FKBP6: variants seen among roughly 807,000 people sequenced by gnomAD.
FKBP6 encodes the protein inactive peptidyl-prolyl cis-trans isomerase FKBP6.
FKBP6 carries 29 observed loss-of-function variants against 41.7 expected under a neutral mutation model. The ratio of observed to expected loss-of-function variants is 0.70; its 90% CI spans 0.52 to 0.95. The LOEUF is 0.95. Ranked by LOEUF, FKBP6 falls within the 40% of genes least tolerant of loss-of-function variation. The probability of loss-of-function intolerance (pLI) is 0.00; values close to 1 mark genes in which losing one functional copy is unlikely to be tolerated. For synonymous variants in FKBP6, 130 were observed against 165.1 expected (o/e 0.79, Z 1.63); for missense variants, 338 against 408.7 (o/e 0.83, Z 1.49).
rs781792349 is a variant in FKBP6, at chr7:73,329,528, T to G, written c.265+79T>G. On this transcript the variant is annotated intron_variant, in intron 3 of 8. Coordinates refer to ENST00000252037, the MANE Select transcript of FKBP6 (RefSeq NM_003602.5). ...GCACGATGCCTCAGGCTGGGAAGACTGCTCAGAGCGCAGGTTCTTTGAGTT... is the reference window on the plus strand; with the variant it reads ...GCACGATGCCTCAGGCTGGGAAGACGGCTCAGAGCGCAGGTTCTTTGAGTT... The G allele has an allele frequency of 6.7e-6, 6 of 901,714 alleles. No individual in the cohort carries two copies. In the East Asian group the frequency reaches 1.4e-4, roughly 22 times the overall value. The allele number at this position is 901,714 out of a possible 1,614,324, so 55.9% of individuals were successfully genotyped here.
intron 5 of FKBP6, 152 bp downstream of exon 5, chr7:73,331,928 A>G (rs996757015): frequency 1.8e-5 from 13 of 740,056 alleles, no homozygotes; most frequent in African/African-American, 8.7e-5. Context: ...CAGTGGCGCA[A>G]TCTCAGCTCA....
chr7:73,350,384 T>G (rs1206411516), intron 8 of FKBP6, among the ~76,000 whole-genome samples: 1 of 152,158 alleles, frequency 6.6e-6, no homozygotes, highest in African/African-American at 2.4e-5. Flanking sequence ...CCTCTGTGTG[T>G]ATAAACAACT....
At chr7:73,354,151 C>T (rs192059427) in intron 8 of FKBP6, among the ~76,000 whole-genome samples, 3 of 152,288 alleles carry the variant, frequency 2.0e-5, no homozygotes, top group South Asian at 2.1e-4. Context: ...CCCCCAAAAC[C>T]GGGAGGTACC....
Position 73,331,571 on chromosome 7 carries a change from C to T in FKBP6, c.469-86C>T, listed in dbSNP as rs1365999446. The T allele has an allele frequency of 1.1e-5, 15 of 1,424,910 alleles. No individual in the cohort carries two copies. The East Asian group carries it at 3.4e-4, about 33-fold the overall frequency. The allele number at this position is 1,424,910 out of a possible 1,614,324, so 88.3% of individuals were successfully genotyped here. On this transcript the variant is annotated intron_variant, in intron 4 of 8. Transcript: ENST00000252037. The stretch of plus-strand genomic sequence containing the variant: ...CTATGTTGCCCAGGCTGGTCTCGAA[C>T]TCCTGGGCTCACGTGTACTAACACT...
chr7:73,342,728 G>A lies in FKBP6; in HGVS notation c.894-79G>A, dbSNP rs1805225753. The A allele has an allele frequency of 3.1e-6, 3 of 953,776 alleles. No homozygotes were observed. The Admixed American group carries it at 5.1e-5, about 16-fold the overall frequency. 59.1% of individuals were successfully genotyped at this position (953,776 alleles called of 1,614,324 possible). ...ATAAATTTTCAGTGTTTCTGGATGT[G>A]AGTGGAGAATTCCAGCCACCAGATG... On this transcript the variant is annotated intron_variant, in intron 7 of 8. Transcript: ENST00000252037.
At chr7:73,357,655 T>A (rs1356694870) in intron 8 of FKBP6, among the ~76,000 whole-genome samples, 1 of 151,974 alleles carries the variant, frequency 6.6e-6, no homozygotes, top group Non-Finnish European at 1.5e-5. Flanking sequence ...TCCTCTTCCC[T>A]CTCTCAGGTG....
Position 73,357,982 on chromosome 7 carries a change from G to A in FKBP6, c.*3-199G>A, listed in dbSNP as rs2116008179. Among the ~76,000 whole-genome samples the A allele has an allele frequency of 2.1e-5, 3 of 141,662 alleles. No homozygotes were observed. The East Asian group carries it at 6.0e-4, about 28-fold the overall frequency. The allele number at this position is 141,662 out of a possible 152,430, so 92.9% of individuals were successfully genotyped here. On this transcript the variant is annotated intron_variant, in intron 8 of 8. Coordinates refer to ENST00000252037, the MANE Select transcript of FKBP6 (RefSeq NM_003602.5). ...CAGCTGGGTGACAGAGTAAGGCTCTGTCTCAAAAAAAAAAAAAAAAGTTTC... is the reference window on the plus strand; with the variant it reads ...CAGCTGGGTGACAGAGTAAGGCTCTATCTCAAAAAAAAAAAAAAAAGTTTC...
chr7:73,332,697 G>C (rs896803497), intron 5 of FKBP6, among the ~76,000 whole-genome samples: 1 of 152,138 alleles, frequency 6.6e-6, no homozygotes, highest in Non-Finnish European at 1.5e-5. Context: ...ATTTGCCTCT[G>C]TATATGTACT....
chr7:73,330,850 G>A (rs183266764), intron 4 of FKBP6, among the ~76,000 whole-genome samples: 1 of 152,160 alleles, frequency 6.6e-6, no homozygotes, highest in African/African-American at 2.4e-5. Flanking sequence ...CTTAAGTCTT[G>A]CCTCCTCTTT....
At chr7:73,339,024 C>T (rs2115882101) in intron 5 of FKBP6, 1 of 152,296 alleles carries the variant, frequency 6.6e-6, no homozygotes. Context: ...ATCTAAGAAA[C>T]CATTTTCTAA....
Position 73,338,543 on chromosome 7 carries a change from G to T in FKBP6, c.589-2095G>T, listed in dbSNP as rs190866931. Among the ~76,000 whole-genome samples, 89 of 152,334 alleles carry T rather than the reference G, an allele frequency of 5.8e-4. No homozygotes were observed. In the Middle Eastern group the frequency reaches 0.01, roughly 17 times the overall value. ...GTGTGGGAACTGTCAAAATTTTTGA[G>T]GAACTGCCAAACTGCTTCCTACAGC... On this transcript the variant is annotated intron_variant, in intron 5 of 8. Transcript: ENST00000252037.
intron 3 of FKBP6, chr7:73,329,888 T>C: frequency 1.8e-6 from 1 of 569,640 alleles, no homozygotes; most frequent in Non-Finnish European, 3.1e-6. Context: ...GTGTGCTTAA[T>C]GAAGGCATGA....
At chr7:73,354,366 G>C (rs1165639157) in intron 8 of FKBP6, among the ~76,000 whole-genome samples, 1 of 152,216 alleles carries the variant, frequency 6.6e-6, no homozygotes, top group African/African-American at 2.4e-5. Context: ...AGTCAGCATG[G>C]AGTGGCCGCC....
At chr7:73,332,199 A>G (rs934726641) in intron 5 of FKBP6, among the ~76,000 whole-genome samples, 2 of 152,038 alleles carry the variant, frequency 1.3e-5, no homozygotes, top group Non-Finnish European at 2.9e-5. Context: ...CCTACTTTCT[A>G]TGAGCAGCCA....
intron 8 of FKBP6, among the ~76,000 whole-genome samples, chr7:73,345,953 G>A (rs1805321599): frequency 6.6e-6 from 1 of 152,148 alleles, no homozygotes; most frequent in Non-Finnish European, 1.5e-5. Context: ...CTGAGAGGTG[G>A]TTAAAGGGAG....
chr7:73,343,109 G>A (rs868957682), intron 8 of FKBP6, among the ~76,000 whole-genome samples: 29 of 152,282 alleles, frequency 1.9e-4, no homozygotes, highest in African/African-American at 6.3e-4. Context: ...CAGACCTGTG[G>A]GTTAAATGTA....
At chr7:73,329,581 C>T (rs782187276) in intron 3 of FKBP6, 132 bp downstream of exon 3, 21 of 745,978 alleles carry the variant, frequency 2.8e-5, no homozygotes, top group Non-Finnish European at 4.7e-5. Context: ...GTTTTGGTAA[C>T]ACAGCCATGT....
intron 8 of FKBP6, among the ~76,000 whole-genome samples, chr7:73,355,288 T>C (rs1010226714): frequency 3.0e-4 from 45 of 152,358 alleles, no homozygotes; most frequent in African/African-American, 1.0e-3. Context: ...TATTTCTCCT[T>C]GAGCCACGGA....
At chr7:73,331,499 C>A (rs1256155430) in intron 4 of FKBP6, among the ~76,000 whole-genome samples, 158 bp from the exon 5 acceptor site, 3 of 152,194 alleles carry the variant, frequency 2.0e-5, no homozygotes, top group Non-Finnish European at 4.4e-5. Flanking sequence ...TGTAGTAACA[C>A]TTCCTTTCTT....
Sources: gnomAD v4.1 joint callset for allele counts (sites outside exome capture counted in the v4.1 genomes callset) on GRCh38, gnomAD v4.1.1 for gene constraint, MANE v1.5 for transcripts, NCBI Gene and HGNC (gene_info 2026-07-23, HGNC 2026-07-21) for gene names.